DYNC2I1: variants seen among roughly 807,000 people sequenced by gnomAD.
DYNC2I1 encodes dynein 2 intermediate chain 1, also known as cytoplasmic dynein 2 intermediate chain 1.
Under a neutral mutation model 133.4 loss-of-function variants are expected in DYNC2I1, and 89 were observed. The observed-to-expected ratio is 0.67, with a 90% confidence interval of 0.56 to 0.80. The LOEUF is 0.80. DYNC2I1 is among the 30% of genes least tolerant of loss of function. The pLI is 0.00. For synonymous variants in DYNC2I1, 504 were observed against 484.3 expected (o/e 1.04, Z -0.54); for missense variants, 1,291 against 1,314.5 (o/e 0.98, Z 0.28).
At chr7:158,911,700 C>T (rs769320985) in intron 12 of DYNC2I1, 21 bp downstream of exon 12, 2 of 1,589,920 alleles carry the variant, frequency 1.3e-6, no homozygotes, top group African/African-American at 2.7e-5. Flanking sequence ...GATGTGTTAA[C>T]TAAGTGATAA....
At chr7:158,852,718 G>A (rs544612148), upstream of DYNC2I1, among the ~76,000 whole-genome samples, 71 of 152,254 alleles carry the variant, frequency 4.7e-4, no homozygotes, top group Non-Finnish European at 8.2e-4. Flanking sequence ...TAGCCTGGGG[G>A]ACAAGAGCGA....
intron 11 of DYNC2I1, among the ~76,000 whole-genome samples, chr7:158,907,068 C>T (rs1003469957): frequency 3.3e-5 from 5 of 151,864 alleles, no homozygotes; most frequent in African/African-American, 9.7e-5. Context: ...TGAGCCGTGA[C>T]TGCACCATTG....
intron 21 of DYNC2I1, 120 bp from the exon 22 acceptor site, chr7:158,934,009 A>T: frequency 1.4e-6 from 1 of 695,250 alleles, no homozygotes; most frequent in South Asian, 1.8e-5. Context: ...AAACCCACAG[A>T]GGAATGTGAC....
At chr7:158,844,725 G>A in the DYNC2I1 span, among the ~76,000 whole-genome samples, 2 of 151,974 alleles carry the variant, frequency 1.3e-5, no homozygotes, top group East Asian at 1.9e-4. Context: ...AGGTTCAAGC[G>A]ATTCTCCTGC....
chr7:158,883,160 G>C (rs148226404), intron 5 of DYNC2I1, among the ~76,000 whole-genome samples: 79 of 151,764 alleles, frequency 5.2e-4, no homozygotes, highest in Non-Finnish European at 9.1e-4. Context: ...ACTGTTCCCG[G>C]GGATGGATGT....
At position 158,941,969 on chromosome 7, in the gene DYNC2I1, C is replaced by T. The variant is rs762674535; in HGVS notation, c.2823C>T (p.Ser941=). The change falls in exon 24 of 25, where the codon TCC becomes TCT. Residue 941 remains serine (S), a synonymous_variant. Coordinates refer to ENST00000407559, the MANE Select transcript of DYNC2I1 (RefSeq NM_018051.5). The stretch of plus-strand genomic sequence containing the variant: ...GCATCAGGCTGCACCAGCTGAGCTC[C>T]GCGTTTCCGCTCCTGCAGTGGGACA... The part of the protein sequence containing the change: ...DGSIRLHQLS[S]AFPLLQWDSS... 2.9e-5 allele frequency: 47 copies of T among 1,612,060 alleles called. No homozygotes were observed. The highest frequency in any genetic ancestry group is 1.6e-4 in the Middle Eastern group (1 of 6,082).
chr7:158,918,197 C>T (rs1183988222), intron 14 of DYNC2I1, among the ~76,000 whole-genome samples: 1 of 152,210 alleles, frequency 6.6e-6, no homozygotes, highest in African/African-American at 2.4e-5. Context: ...CGCACAAATC[C>T]TGTTGCTTCT....
chr7:158,847,370 TAAACC>T, the DYNC2I1 span, among the ~76,000 whole-genome samples: 1 of 152,182 alleles, frequency 6.6e-6, no homozygotes, highest in African/African-American at 2.4e-5. Flanking sequence ...TAGTGACTCT[TAAACC>T]TTAAACTCTT....
chr7:158,929,879 A>T (rs1396161845), intron 20 of DYNC2I1, among the ~76,000 whole-genome samples: 1 of 152,234 alleles, frequency 6.6e-6, no homozygotes, highest in African/African-American at 2.4e-5. Flanking sequence ...GAAGGAAAGG[A>T]AGAGCAGTCA....
upstream of DYNC2I1, among the ~76,000 whole-genome samples, chr7:158,855,234 G>C (rs562112701): frequency 3.3e-5 from 5 of 152,292 alleles, no homozygotes; most frequent in Admixed American, 2.6e-4. Flanking sequence ...TAACTTGGGT[G>C]GGGGGAAGCC....
chr7:158,858,372 G>C (rs1386497246), intron 1 of DYNC2I1, among the ~76,000 whole-genome samples: 1 of 152,152 alleles, frequency 6.6e-6, no homozygotes, highest in Non-Finnish European at 1.5e-5. Context: ...ATGGAGTCCT[G>C]TATTCTAAGC....
At position 158,927,143 on chromosome 7, in the gene DYNC2I1, G is replaced by C; in HGVS notation, c.2485+100G>C. 3 of 801,192 alleles carry C rather than the reference G, an allele frequency of 3.7e-6. No individual in the cohort carries two copies. In the South Asian group the frequency reaches 5.3e-5, roughly 14 times the overall value. 49.6% of individuals were successfully genotyped at this position (801,192 alleles called of 1,614,324 possible). A position where few individuals can be genotyped will look rare whatever the true frequency, so the allele number is the denominator to read the frequency against. ...TCAGGTGCAGTGGCTCACACCTGCT[G>C]GGAGCCTCAGCACGTTGGGAGGCTG... On this transcript the variant is annotated intron_variant, in intron 20 of 24. Coordinates refer to ENST00000407559, the MANE Select transcript of DYNC2I1 (RefSeq NM_018051.5).
chr7:158,950,919 G>A (rs895329017), downstream of DYNC2I1, among the ~76,000 whole-genome samples: 21 of 148,538 alleles, frequency 1.4e-4, no homozygotes, highest in Non-Finnish European at 1.7e-4. Flanking sequence ...ATGATTCCAG[G>A]TGTGATATAC....
chr7:158,942,237 A>G, intron 24 of DYNC2I1, 89 bp downstream of exon 24: 1 of 987,234 alleles, frequency 1.0e-6, no homozygotes, highest in Non-Finnish European at 1.5e-6. Context: ...TAATTTTTGC[A>G]TGAGGCTGCT....
Position 158,875,669 on chromosome 7 carries a change from C to A in DYNC2I1, c.491-940C>A, listed in dbSNP as rs889477823. On this transcript the variant is annotated intron_variant, in intron 3 of 24. Transcript: ENST00000407559. ...AGGATGGATGCCGTAGTCTGGTGCC[C>A]TGGGGAGTCAGCTGCACCTGGCTTC... Among the ~76,000 whole-genome samples, 3 of 152,248 alleles carry A rather than the reference C, an allele frequency of 2.0e-5. 1 individual carries two copies. Among genetic ancestry groups the A allele is most frequent in the African/African-American group, 7.2e-5 (3 of 41,548 alleles).
chr7:158,951,848 G>T (rs1852061094), intron 4 of DYNC2I1, among the ~76,000 whole-genome samples: 1 of 152,226 alleles, frequency 6.6e-6, no homozygotes, highest in South Asian at 2.1e-4. Flanking sequence ...CCTGGCCTTT[G>T]CCCTGGGTGC....
At position 158,856,689 on chromosome 7, in the gene DYNC2I1, C is replaced by T; in HGVS notation, c.-47C>T. On this transcript the variant is annotated 5_prime_UTR_variant, in exon 1 of 25. Coordinates refer to ENST00000407559, the MANE Select transcript of DYNC2I1 (RefSeq NM_018051.5). ...GTGGCCTCTTCGGGGTGGACCGCGC[C>T]TGGCCGGGGCCGAGGACACCGCGGC... 8.1e-7 allele frequency: 1 copy of T among 1,232,190 alleles called. No individual in the cohort carries two copies. The highest frequency in any genetic ancestry group is 1.0e-6 in the Non-Finnish European group (1 of 986,928). The allele number at this position is 1,232,190 out of a possible 1,614,324, so 76.3% of individuals were successfully genotyped here.
chr7:158,860,718 T>C (rs952225697), intron 1 of DYNC2I1, among the ~76,000 whole-genome samples: 1 of 152,270 alleles, frequency 6.6e-6, no homozygotes, highest in South Asian at 2.1e-4. Flanking sequence ...TTTATTGTTA[T>C]GAAATTTATT....
chr7:158,900,084 C>G (rs1256021176), intron 8 of DYNC2I1, among the ~76,000 whole-genome samples: 1 of 149,424 alleles, frequency 6.7e-6, no homozygotes, highest in Admixed American at 6.7e-5. Flanking sequence ...TGTCTTCTTG[C>G]TTGCATGGTA....
Sources: allele counts gnomAD v4.1 joint callset (sites outside exome capture counted in the v4.1 genomes callset), GRCh38; gene constraint gnomAD v4.1.1; transcripts MANE v1.5; gene names NCBI Gene and HGNC (gene_info 2026-07-23, HGNC 2026-07-21).